The following CDH13 variants were observed in gnomAD, a reference collection of about 807,000 sequenced individuals.
CDH13 encodes the protein cadherin-13.
A neutral mutation model predicts 63.8 loss-of-function variants in CDH13; 24 were observed. That is an observed-to-expected ratio of 0.38 (90% CI 0.27 to 0.53). CDH13 has a LOEUF of 0.53. Ranked by LOEUF, CDH13 falls within the 20% of genes least tolerant of loss-of-function variation. The probability of loss-of-function intolerance (pLI) is 0.85; values close to 1 mark genes in which losing one functional copy is unlikely to be tolerated. For synonymous variants in CDH13, 503 were observed against 355.3 expected (o/e 1.42, Z -4.67); for missense variants, 1,049 against 903.1 (o/e 1.16, Z -2.07).
At chr16:82,974,625 C>T (rs752027068) in intron 2 of CDH13, among the ~76,000 whole-genome samples, 17 of 151,878 alleles carry the variant, frequency 1.1e-4, no homozygotes, top group East Asian at 3.9e-4. Context: ...TCATGTTGGA[C>T]GATGTAAGTG....
intron 3 of CDH13, among the ~76,000 whole-genome samples, chr16:83,069,911 C>T (rs1567800485): frequency 6.6e-6 from 1 of 152,054 alleles, no homozygotes; most frequent in Non-Finnish European, 1.5e-5. Flanking sequence ...GAAATGCAGA[C>T]AGAAATCGGC....
At chr16:83,074,697 T>A (rs776066037) in intron 3 of CDH13, among the ~76,000 whole-genome samples, 1 of 152,252 alleles carries the variant, frequency 6.6e-6, no homozygotes, top group Admixed American at 6.5e-5. Flanking sequence ...TGAACAGGAG[T>A]CTTTGGAGCC....
chr16:82,748,150 G>A (rs34735041), intron 1 of CDH13, among the ~76,000 whole-genome samples: 17,432 of 152,210 alleles, frequency 0.11, 1,500 homozygotes, highest in East Asian at 0.42. Context: ...TGGCATTTCA[G>A]CATCATAGCT....
chr16:83,216,869 C>G (rs1423619581), intron 4 of CDH13, among the ~76,000 whole-genome samples: 1 of 151,700 alleles, frequency 6.6e-6, no homozygotes, highest in Non-Finnish European at 1.5e-5. Flanking sequence ...AGTGCTTCCT[C>G]TGCACCATGC....
In CDH13 at chr16:82,918,003, A is replaced by G. The variant is rs146126210; in HGVS notation, c.157+59530A>G. On this transcript the variant is annotated intron_variant, in intron 2 of 13. Transcript: ENST00000567109. ...ACCCATCACAAGTGTATGGGATCCT[A>G]AAGCTTCCTGACAATTGCAAATGTT... Among the ~76,000 whole-genome samples, 341 of 152,156 alleles carry G rather than the reference A, an allele frequency of 2.2e-3. 1 individual carries two copies. The highest frequency in any genetic ancestry group is 7.9e-3 in the African/African-American group (327 of 41,472).
intron 7 of CDH13, among the ~76,000 whole-genome samples, chr16:83,561,638 C>A (rs1163393514): frequency 6.6e-6 from 1 of 152,188 alleles, no homozygotes; most frequent in Admixed American, 6.6e-5. Context: ...CTACAATGAT[C>A]TTAAGCAGAA....
chr16:83,721,711 G>T (rs77142522), intron 10 of CDH13: 6 of 152,382 alleles, frequency 3.9e-5, no homozygotes, highest in Non-Finnish European at 8.8e-5. Context: ...ACCACCTGGC[G>T]AATGGTCCAG....
At chr16:83,634,763 G>T (rs116237911) in intron 8 of CDH13, among the ~76,000 whole-genome samples, 3 of 152,104 alleles carry the variant, frequency 2.0e-5, no homozygotes, top group Non-Finnish European at 4.4e-5. Flanking sequence ...CACATCAGCC[G>T]ATAGCTGGTT....
At chr16:83,495,635 A>G (rs559706449) in intron 7 of CDH13, among the ~76,000 whole-genome samples, 1 of 152,356 alleles carries the variant, frequency 6.6e-6, no homozygotes, top group Admixed American at 6.5e-5. Context: ...GCAAAGAAAC[A>G]TATTTGGGGT....
intron 5 of CDH13, among the ~76,000 whole-genome samples, chr16:83,267,662 A>C (rs1423019568): frequency 2.6e-5 from 4 of 151,918 alleles, no homozygotes; most frequent in Admixed American, 6.6e-5. Flanking sequence ...TTGCAAGCTC[A>C]CTCATCATAT....
intron 5 of CDH13, among the ~76,000 whole-genome samples, chr16:83,294,954 G>T (rs1299536805): frequency 1.3e-5 from 2 of 152,038 alleles, no homozygotes; most frequent in African/African-American, 2.4e-5. Context: ...CAAAGCTGTA[G>T]GTATCACACT....
chr16:83,195,702 C>G (rs1390290527), intron 4 of CDH13, among the ~76,000 whole-genome samples: 1 of 152,038 alleles, frequency 6.6e-6, no homozygotes, highest in Non-Finnish European at 1.5e-5. Flanking sequence ...AGATCCAAAC[C>G]ATAGCAATAT....
intron 1 of CDH13, among the ~76,000 whole-genome samples, chr16:82,658,339 G>T (rs1911538355): frequency 1.3e-5 from 2 of 152,158 alleles, no homozygotes; most frequent in South Asian, 2.1e-4. Context: ...CCCAATAGTT[G>T]ATTTGACTCC....
chr16:82,810,955 T>G (rs2037410802), intron 1 of CDH13, among the ~76,000 whole-genome samples: 1 of 152,168 alleles, frequency 6.6e-6, no homozygotes, highest in Non-Finnish European at 1.5e-5. Flanking sequence ...TCTTAGCTGC[T>G]TCGTGTGCCC....
intron 4 of CDH13, among the ~76,000 whole-genome samples, chr16:83,161,304 TGTA>T (rs1279845092): frequency 1.1e-4 from 16 of 152,252 alleles, no homozygotes; most frequent in Middle Eastern, 6.8e-3. Context: ...CTAAGTTCAA[TGTA>T]GTATTCAGAA....
chr16:82,956,368 C>G (rs999204055), intron 2 of CDH13, among the ~76,000 whole-genome samples: 1 of 152,006 alleles, frequency 6.6e-6, no homozygotes, highest in African/African-American at 2.4e-5. Flanking sequence ...TATCTAATTT[C>G]TGCTCCAAAT....
At chr16:83,181,374 C>A (rs1026318608) in intron 4 of CDH13, among the ~76,000 whole-genome samples, 3 of 152,188 alleles carry the variant, frequency 2.0e-5, no homozygotes, top group African/African-American at 7.2e-5. Flanking sequence ...TCCTTGCTAA[C>A]AAGCTGTGGG....
At chr16:83,491,740 A>G (rs2074018502) in intron 7 of CDH13, among the ~76,000 whole-genome samples, 1 of 152,150 alleles carries the variant, frequency 6.6e-6, no homozygotes, top group African/African-American at 2.4e-5. Context: ...TATCTTCCAG[A>G]TAATCTAGGG....
chr16:83,015,724 A>ATATATATATAT (rs1555562946), intron 2 of CDH13, among the ~76,000 whole-genome samples: 3 of 49,118 alleles, frequency 6.1e-5, no homozygotes, highest in Admixed American at 2.4e-4. Flanking sequence ...TATATATATA[A>ATATATATATAT]AGAAAAAGCA....
Sources: allele counts gnomAD v4.1 joint callset (sites outside exome capture counted in the v4.1 genomes callset), GRCh38; gene constraint gnomAD v4.1.1; transcripts MANE v1.5; gene names NCBI Gene and HGNC (gene_info 2026-07-23, HGNC 2026-07-21).